Variants in PTPRT observed in about 807,000 individuals in gnomAD.
PTPRT encodes protein tyrosine phosphatase receptor type T, also known as receptor-type tyrosine-protein phosphatase T.
Under a neutral mutation model 176.8 loss-of-function variants are expected in PTPRT, and 56 were observed. The observed-to-expected ratio is 0.32, with a 90% confidence interval of 0.26 to 0.40. The LOEUF is 0.40. PTPRT is among the 10% of genes least tolerant of loss of function. The pLI is 1.00. For synonymous variants in PTPRT, 783 were observed against 739.0 expected (o/e 1.06, Z -0.96); for missense variants, 1,540 against 1,908.2 (o/e 0.81, Z 3.60).
At chr20:42,320,358 G>A (rs1486595248) in intron 11 of PTPRT, among the ~76,000 whole-genome samples, 1 of 152,056 alleles carries the variant, frequency 6.6e-6, no homozygotes, top group Admixed American at 6.6e-5. Context: ...GGGGGACCAG[G>A]GACCTATCAG....
intron 12 of PTPRT, among the ~76,000 whole-genome samples, chr20:42,290,238 T>C (rs759436698): frequency 1.3e-5 from 2 of 152,112 alleles, no homozygotes; most frequent in Non-Finnish European, 1.5e-5. Context: ...GTTTGTAATA[T>C]ATTCTGGGAC....
At chr20:42,344,295 C>T (rs923972352) in intron 11 of PTPRT, among the ~76,000 whole-genome samples, 11 of 152,150 alleles carry the variant, frequency 7.2e-5, no homozygotes, top group African/African-American at 2.4e-4. Flanking sequence ...TCCCATTTAT[C>T]GACAAGCAAC....
chr20:42,363,449 T>C (rs1232539915), intron 9 of PTPRT, among the ~76,000 whole-genome samples: 1 of 150,430 alleles, frequency 6.6e-6, no homozygotes, highest in Non-Finnish European at 1.5e-5. Context: ...TAAGTGGGAT[T>C]ACAGGCATGC....
At chr20:42,371,597 G>A (rs572386156) in intron 9 of PTPRT, among the ~76,000 whole-genome samples, 1 of 152,296 alleles carries the variant, frequency 6.6e-6, no homozygotes, top group East Asian at 1.9e-4. Flanking sequence ...AAAACAAAGA[G>A]TAGATCCTCA....
intron 1 of PTPRT, among the ~76,000 whole-genome samples, chr20:42,900,490 T>C (rs2079384913): frequency 6.6e-6 from 1 of 152,150 alleles, no homozygotes; most frequent in South Asian, 2.1e-4. Context: ...AGCCACATCC[T>C]TGAGTTCTGA....
chr20:42,847,076 C>CTAG (rs1569188552), intron 2 of PTPRT, among the ~76,000 whole-genome samples: 1 of 152,172 alleles, frequency 6.6e-6, no homozygotes. Context: ...TAGTTAATGC[C>CTAG]TAGAGAATCA....
At chr20:42,379,547 C>T (rs1424603973) in intron 9 of PTPRT, among the ~76,000 whole-genome samples, 2 of 152,198 alleles carry the variant, frequency 1.3e-5, no homozygotes, top group African/African-American at 4.8e-5. Context: ...GGCACCTGAG[C>T]CTGTGGAGGG....
intron 7 of PTPRT, among the ~76,000 whole-genome samples, chr20:42,508,140 T>C (rs1010953006): frequency 1.1e-4 from 16 of 151,314 alleles, no homozygotes; most frequent in Non-Finnish European, 2.2e-4. Flanking sequence ...TGTGTGTGTG[T>C]GTGTGTGTGT....
At chr20:43,092,081 TACA>T (rs1348690883) in intron 1 of PTPRT, among the ~76,000 whole-genome samples, 1 of 152,150 alleles carries the variant, frequency 6.6e-6, no homozygotes, top group African/African-American at 2.4e-5. Flanking sequence ...AAACAAAGCA[TACA>T]ACAAGGACAC....
chr20:42,953,090 T>C (rs930525961), intron 1 of PTPRT, among the ~76,000 whole-genome samples: 7 of 152,182 alleles, frequency 4.6e-5, no homozygotes, highest in African/African-American at 1.7e-4. Context: ...CACTGCAGAA[T>C]CTGCAAAGAA....
Position 42,073,402 on chromosome 20 carries a change from A to T in PTPRT, c.*7477T>A. 5.1e-6 allele frequency: 1 copy of T among 194,436 alleles called. No homozygotes were observed. Among genetic ancestry groups the T allele is most frequent in the African/African-American group, 2.3e-5 (1 of 43,356 alleles). The allele number at this position is 194,436 out of a possible 1,614,324, so 12.0% of individuals were successfully genotyped here. On this transcript the variant is annotated 3_prime_UTR_variant, in exon 31 of 31. Transcript: ENST00000373187. ...CTGGAAATGATTATAATCATGTGTA[A>T]ATTGAGTTACTGTGCTTTTGCTTTT...
chr20:43,031,346 A>T (rs1456486930), intron 1 of PTPRT, among the ~76,000 whole-genome samples: 5 of 152,170 alleles, frequency 3.3e-5, no homozygotes, highest in African/African-American at 1.2e-4. Flanking sequence ...CACACGGAAC[A>T]ACAACTTGCC....
intron 3 of PTPRT, among the ~76,000 whole-genome samples, chr20:42,790,848 C>A (rs1225200341): frequency 1.3e-5 from 2 of 152,202 alleles, no homozygotes; most frequent in East Asian, 3.8e-4. Context: ...GAACCTCAAT[C>A]TTTTCATCCA....
intron 1 of PTPRT, among the ~76,000 whole-genome samples, chr20:42,996,651 C>T (rs1984239589): frequency 6.6e-6 from 1 of 152,092 alleles, no homozygotes; most frequent in Non-Finnish European, 1.5e-5. Context: ...TTCTTATCTA[C>T]CTTTGATGTG....
At chr20:42,262,918 AT>A (rs2056774030) in intron 13 of PTPRT, among the ~76,000 whole-genome samples, 1 of 152,150 alleles carries the variant, frequency 6.6e-6, no homozygotes, top group Non-Finnish European at 1.5e-5. Context: ...CAATCTGGAG[AT>A]AATGGGGGCC....
chr20:42,515,267 A>G (rs909586873), intron 7 of PTPRT, among the ~76,000 whole-genome samples: 1 of 152,202 alleles, frequency 6.6e-6, no homozygotes, highest in South Asian at 2.1e-4. Context: ...GGCGGATCAC[A>G]AGGTCAGGAG....
intron 6 of PTPRT, among the ~76,000 whole-genome samples, chr20:42,737,425 G>A (rs1183042704): frequency 6.6e-6 from 1 of 152,156 alleles, no homozygotes; most frequent in Admixed American, 6.5e-5. Context: ...GACGTCAGGA[G>A]TCCAAGACCA....
chr20:42,234,411 C>A (rs1347565374), intron 15 of PTPRT, among the ~76,000 whole-genome samples: 2 of 152,234 alleles, frequency 1.3e-5, no homozygotes, highest in African/African-American at 4.8e-5. Context: ...TCCTGAAGCT[C>A]ATTCTCTTTC....
chr20:42,915,898 G>A (rs911500599), intron 1 of PTPRT, among the ~76,000 whole-genome samples: 1 of 151,690 alleles, frequency 6.6e-6, no homozygotes. Context: ...ACCATGCCCG[G>A]CCCGCTATTG....
Sources: allele counts gnomAD v4.1 joint callset (sites outside exome capture counted in the v4.1 genomes callset), GRCh38; gene constraint gnomAD v4.1.1; transcripts MANE v1.5; gene names NCBI Gene and HGNC (gene_info 2026-07-23, HGNC 2026-07-21).